The following LRRC8C variants were observed in gnomAD, a reference collection of about 807,000 sequenced individuals.
LRRC8C encodes the protein volume-regulated anion channel subunit LRRC8C.
LRRC8C carries 20 observed loss-of-function variants against 55.3 expected under a neutral mutation model. The observed-to-expected ratio is 0.36, with a 90% CI of 0.25 to 0.53. The LOEUF (loss-of-function observed/expected upper bound fraction) is 0.53, where lower values mean the gene tolerates loss of function less well. Ranked by LOEUF, LRRC8C falls within the 20% of genes least tolerant of loss-of-function variation. The pLI is 0.92. For synonymous variants in LRRC8C, 376 were observed against 360.7 expected (o/e 1.04, Z -0.48); for missense variants, 659 against 951.4 (o/e 0.69, Z 4.04).
intron 1 of LRRC8C, among the ~76,000 whole-genome samples, chr1:89,636,600 A>G (rs995144275): frequency 2.0e-5 from 3 of 151,990 alleles, no homozygotes; most frequent in Admixed American, 6.6e-5. Context: ...TACCATGACA[A>G]TGCCAGTCTC....
chr1:89,666,268 C>T (rs577034436), intron 1 of LRRC8C, among the ~76,000 whole-genome samples: 3 of 152,030 alleles, frequency 2.0e-5, no homozygotes, highest in South Asian at 2.1e-4. Context: ...TGACAGAGGC[C>T]GGCAATGTGA....
At chr1:89,620,532 T>C in the LRRC8C span, among the ~76,000 whole-genome samples, 3 of 148,512 alleles carry the variant, frequency 2.0e-5, no homozygotes, top group African/African-American at 7.5e-5. Context: ...ATCAGAGCCA[T>C]GTGCAAATTT....
chr1:89,712,047 T>C (rs1403183791), intron 2 of LRRC8C, among the ~76,000 whole-genome samples: 3 of 152,242 alleles, frequency 2.0e-5, no homozygotes, highest in Non-Finnish European at 4.4e-5. Context: ...TAACTCAAGA[T>C]TGAGTCTGAG....
chr1:89,670,457 T>C (rs757412630), intron 1 of LRRC8C, among the ~76,000 whole-genome samples: 2 of 152,218 alleles, frequency 1.3e-5, no homozygotes, highest in Non-Finnish European at 2.9e-5. Context: ...TTCTGGTAAC[T>C]ACTTTCTTTA....
chr1:89,652,344 C>A (rs1656813229), intron 1 of LRRC8C, among the ~76,000 whole-genome samples: 1 of 152,164 alleles, frequency 6.6e-6, no homozygotes, highest in South Asian at 2.1e-4. Context: ...GAAAAGGTCT[C>A]TGAATCTGAG....
chr1:89,717,888 T>C lies in LRRC8C; in HGVS notation c.*2906T>C, dbSNP rs1336253868. ...ACTCATGAGAGATTGCTTGTGTAAA[T>C]ATAAAAGCACCATATGTGTTCTTAA... On this transcript the variant is annotated 3_prime_UTR_variant, in exon 3 of 3. Coordinates refer to ENST00000370454, the MANE Select transcript of LRRC8C (RefSeq NM_032270.5). 1 of 152,198 alleles carries C rather than the reference T, an allele frequency of 6.6e-6. No homozygotes were observed. The highest frequency in any genetic ancestry group is 1.5e-5 in the Non-Finnish European group (1 of 68,012). The allele number at this position is 152,198 out of a possible 1,614,324, so 9.4% of individuals were successfully genotyped here. A position where few individuals can be genotyped will look rare whatever the true frequency, so the allele number is the denominator to read the frequency against.
intron 1 of LRRC8C, among the ~76,000 whole-genome samples, chr1:89,645,052 A>G (rs1656574854): frequency 6.6e-6 from 1 of 152,240 alleles, no homozygotes; most frequent in Non-Finnish European, 1.5e-5. Context: ...TCAAGACAAA[A>G]TACAGTCAAT....
At chr1:89,664,517 C>G (rs1157128581) in intron 1 of LRRC8C, among the ~76,000 whole-genome samples, 104 of 152,126 alleles carry the variant, frequency 6.8e-4, no homozygotes, top group Non-Finnish European at 5.9e-5. Context: ...GTTTTGGTAC[C>G]AGTACCATGC....
chr1:89,685,240 T>C (rs1235688496), intron 1 of LRRC8C, among the ~76,000 whole-genome samples: 2 of 146,626 alleles, frequency 1.4e-5, no homozygotes, highest in Non-Finnish European at 3.0e-5. Flanking sequence ...TGCCTCAGCC[T>C]CCCGAGTAGC....
Position 89,715,039 on chromosome 1 carries a change from A to G in LRRC8C, c.*57A>G. The G allele has an allele frequency of 4.7e-6, 6 of 1,276,420 alleles. No homozygotes were observed. The highest frequency in any genetic ancestry group is 6.4e-6 in the Non-Finnish European group (6 of 936,780). 79.1% of individuals were successfully genotyped at this position (1,276,420 alleles called of 1,614,324 possible). A position where few individuals can be genotyped will look rare whatever the true frequency, so the allele number is the denominator to read the frequency against. On this transcript the variant is annotated 3_prime_UTR_variant, in exon 3 of 3. Coordinates refer to ENST00000370454, the MANE Select transcript of LRRC8C (RefSeq NM_032270.5). ...GCTTCTACCAAATACAGTATAAATAATTAGGTAGTCTTAATGCCTTTCCTA... is the reference window on the plus strand; with the variant it reads ...GCTTCTACCAAATACAGTATAAATAGTTAGGTAGTCTTAATGCCTTTCCTA...
At chr1:89,672,359 T>C (rs1657444111) in intron 1 of LRRC8C, among the ~76,000 whole-genome samples, 3 of 152,264 alleles carry the variant, frequency 2.0e-5, no homozygotes, top group Admixed American at 6.5e-5. Flanking sequence ...TTGTTTACTG[T>C]CTGTCTTTCC....
intron 2 of LRRC8C, among the ~76,000 whole-genome samples, chr1:89,699,517 G>T (rs1312792446): frequency 6.6e-6 from 1 of 152,186 alleles, no homozygotes; most frequent in East Asian, 1.9e-4. Flanking sequence ...TTTCAATTTT[G>T]CTGTGAACCT....
At position 89,686,601 on chromosome 1, in the gene LRRC8C, G is replaced by T; in HGVS notation, c.128G>T (p.Cys43Phe). The change falls in exon 2 of 3, where the codon TGT (cysteine) becomes TTT (phenylalanine). Residue 43 changes from cysteine (C) to phenylalanine (F), a missense_variant. By Grantham distance (205) the Cys-to-Phe change is radical (BLOSUM62 -2). Around this residue, in one of 5 missense-constraint regions of LRRC8C, gnomAD observed 82 missense variants for 71.4 expected, o/e 1.15. Coordinates refer to ENST00000370454, the MANE Select transcript of LRRC8C (RefSeq NM_032270.5). ...ATGCTCATGATCGGCGTGTTTGGAT[G>T]TACTTTACAGGTAGGTGCCTAGATC... ...VAMLMIGVFG[C>F]TLQVMQDKII... The T allele has an allele frequency of 6.2e-7, 1 of 1,614,082 alleles. No individual in the cohort carries two copies. The highest frequency in any genetic ancestry group is 8.5e-7 in the Non-Finnish European group (1 of 1,180,012).
intron 2 of LRRC8C, among the ~76,000 whole-genome samples, chr1:89,704,578 T>C (rs1658419323): frequency 1.3e-5 from 2 of 152,058 alleles, no homozygotes; most frequent in South Asian, 2.1e-4. Context: ...ACCAAACTTA[T>C]CAGGGCTCAT....
chr1:89,630,827 G>C (rs188240111), upstream of LRRC8C, among the ~76,000 whole-genome samples: 89 of 152,268 alleles, frequency 5.8e-4, no homozygotes, highest in Admixed American at 1.2e-3. Context: ...GGTGGACTGA[G>C]GTAAGATCAC....
chr1:89,657,297 C>T (rs2101206071), intron 1 of LRRC8C, among the ~76,000 whole-genome samples: 1 of 152,176 alleles, frequency 6.6e-6, no homozygotes, highest in Admixed American at 6.5e-5. Flanking sequence ...GTAATCAGTT[C>T]ATAGGAAGAG....
At chr1:89,682,185 G>T (rs115258396) in intron 1 of LRRC8C, among the ~76,000 whole-genome samples, 1,574 of 152,082 alleles carry the variant, frequency 0.01, 42 homozygotes, top group African/African-American at 0.036. Flanking sequence ...TCAAAAAAAA[G>T]AATTTAAATG....
intron 1 of LRRC8C, among the ~76,000 whole-genome samples, chr1:89,642,613 G>T (rs1013194597): frequency 1.3e-5 from 2 of 152,138 alleles, no homozygotes; most frequent in African/African-American, 4.8e-5. Flanking sequence ...ACTTTGAGAG[G>T]CCGAGGTGGG....
chr1:89,652,430 T>G (rs1656816567), intron 1 of LRRC8C, among the ~76,000 whole-genome samples: 1 of 152,168 alleles, frequency 6.6e-6, no homozygotes, highest in Non-Finnish European at 1.5e-5. Flanking sequence ...TTAAGAATAA[T>G]AATTTTGAAG....
Sources: allele counts gnomAD v4.1 joint callset (sites outside exome capture counted in the v4.1 genomes callset), GRCh38; gene constraint gnomAD v4.1.1; regional missense constraint gnomAD v4.1.1; transcripts MANE v1.5; gene names NCBI Gene and HGNC (gene_info 2026-07-23, HGNC 2026-07-21).